The following INPP4B variants were observed in gnomAD, a reference collection of about 807,000 sequenced individuals.
INPP4B encodes the protein inositol polyphosphate-4-phosphatase type II B, also known as inositol polyphosphate 4-phosphatase type II.
Under a neutral mutation model 122.5 loss-of-function variants are expected in INPP4B, and 55 were observed. The ratio of observed to expected loss-of-function variants is 0.45; its 90% CI spans 0.36 to 0.56. The LOEUF (loss-of-function observed/expected upper bound fraction) is 0.56. Among genes scored for constraint, INPP4B ranks in the 20% least tolerant of loss-of-function variants. INPP4B has a pLI of 0.00. For missense variants in INPP4B, 1,000 were observed against 1,097.7 expected, an observed-to-expected ratio of 0.91 and a Z score of 1.26; for synonymous variants, 403 against 388.7, an observed-to-expected ratio of 1.04 and a Z score of -0.43.
intron 1 of INPP4B, among the ~76,000 whole-genome samples, chr4:142,829,665 G>A (rs1449600634): frequency 6.6e-6 from 1 of 152,150 alleles, no homozygotes; most frequent in African/African-American, 2.4e-5. Context: ...AAACTGTGGA[G>A]CAATATCCTC....
chr4:142,301,091 A>G (rs973517064), intron 9 of INPP4B, among the ~76,000 whole-genome samples: 1 of 152,190 alleles, frequency 6.6e-6, no homozygotes, highest in Non-Finnish European at 1.5e-5. Context: ...CTTTTAAAAC[A>G]GATTACAACT....
chr4:142,250,062 G>A (rs770693800), intron 11 of INPP4B, among the ~76,000 whole-genome samples: 1 of 152,200 alleles, frequency 6.6e-6, no homozygotes. Context: ...AGCTTCACAT[G>A]TTTATTACAT....
At chr4:142,177,171 G>A (rs1471214659) in intron 15 of INPP4B, among the ~76,000 whole-genome samples, 4 of 152,032 alleles carry the variant, frequency 2.6e-5, no homozygotes, top group Non-Finnish European at 5.9e-5. Flanking sequence ...TTAACGATGA[G>A]CACCTCACCT....
At chr4:142,456,675 T>A (rs1457824111) in intron 3 of INPP4B, among the ~76,000 whole-genome samples, 1 of 152,088 alleles carries the variant, frequency 6.6e-6, no homozygotes, top group Non-Finnish European at 1.5e-5. Context: ...TCTATAAACA[T>A]TGATGAAAGA....
intron 2 of INPP4B, among the ~76,000 whole-genome samples, chr4:142,623,562 T>G (rs1745475854): frequency 6.6e-6 from 1 of 151,970 alleles, no homozygotes; most frequent in South Asian, 2.1e-4. Context: ...AATTCACTCC[T>G]TTTTTAAATT....
intron 2 of INPP4B, among the ~76,000 whole-genome samples, chr4:142,488,838 A>AT (rs933132157): frequency 1.0e-4 from 15 of 149,516 alleles, no homozygotes; most frequent in African/African-American, 3.4e-4. Flanking sequence ...CCAGTCTTTT[A>AT]TTTTTTTTCA....
chr4:142,127,376 G>T (rs3775643), intron 18 of INPP4B, among the ~76,000 whole-genome samples: 19,092 of 152,022 alleles, frequency 0.13, 1,369 homozygotes, highest in East Asian at 0.23. Context: ...TTTGCAGATT[G>T]TCTCATTAGC....
At chr4:142,637,797 T>C (rs1459123169) in intron 2 of INPP4B, among the ~76,000 whole-genome samples, 5 of 152,202 alleles carry the variant, frequency 3.3e-5, no homozygotes, top group African/African-American at 4.8e-5. Flanking sequence ...AGTGGCTGCA[T>C]AACTTTGCAT....
chr4:142,192,159 C>G (rs1401270365), intron 15 of INPP4B, among the ~76,000 whole-genome samples: 1 of 151,418 alleles, frequency 6.6e-6, no homozygotes, highest in Non-Finnish European at 1.5e-5. Context: ...CCAGGACCTA[C>G]TTAAGGGTGG....
intron 24 of INPP4B, 37 bp from the exon 25 acceptor site, chr4:142,082,222 T>G: frequency 6.8e-7 from 1 of 1,470,132 alleles, no homozygotes; most frequent in Non-Finnish European, 9.2e-7. Context: ...TCTTGTTCAT[T>G]TGTAATACCG....
intron 2 of INPP4B, among the ~76,000 whole-genome samples, chr4:142,544,311 A>T (rs561918629): frequency 6.6e-6 from 1 of 152,130 alleles, no homozygotes; most frequent in African/African-American, 2.4e-5. Flanking sequence ...TGAGTGTTTG[A>T]TTGTGGATAA....
At chr4:142,058,569 A>G (rs1327071891) in intron 25 of INPP4B, among the ~76,000 whole-genome samples, 2 of 152,160 alleles carry the variant, frequency 1.3e-5, no homozygotes, top group Non-Finnish European at 2.9e-5. Flanking sequence ...AAGGCACTGC[A>G]GAATTCATAT....
At chr4:142,504,327 C>T (rs1021486831) in intron 2 of INPP4B, among the ~76,000 whole-genome samples, 2 of 151,738 alleles carry the variant, frequency 1.3e-5, no homozygotes, top group Non-Finnish European at 2.9e-5. Flanking sequence ...TAACAGACTT[C>T]CAAAAATTAA....
At chr4:142,557,659 C>T (rs934894169) in intron 2 of INPP4B, among the ~76,000 whole-genome samples, 4 of 151,890 alleles carry the variant, frequency 2.6e-5, no homozygotes, top group African/African-American at 7.3e-5. Context: ...CCCAACATGT[C>T]GGAAGTTGTT....
intron 3 of INPP4B, among the ~76,000 whole-genome samples, chr4:142,441,863 C>A (rs1811800766): frequency 1.4e-5 from 2 of 143,852 alleles, no homozygotes; most frequent in Admixed American, 7.1e-5. Flanking sequence ...CATTTAAATG[C>A]TGAAGTAACA....
intron 7 of INPP4B, among the ~76,000 whole-genome samples, chr4:142,400,146 G>A (rs1260204722): frequency 1.3e-5 from 2 of 152,176 alleles, no homozygotes; most frequent in Middle Eastern, 3.2e-3. Context: ...AAATATGTAT[G>A]CAAATGATAT....
chr4:142,084,645 T>C (rs1775846483), intron 24 of INPP4B, among the ~76,000 whole-genome samples: 1 of 152,204 alleles, frequency 6.6e-6, no homozygotes, highest in Non-Finnish European at 1.5e-5. Context: ...CTACTAATCA[T>C]TCATTCAGTG....
chr4:142,672,359 A>G (rs570708357), intron 2 of INPP4B, among the ~76,000 whole-genome samples: 1 of 152,240 alleles, frequency 6.6e-6, no homozygotes, highest in Admixed American at 6.5e-5. Flanking sequence ...CACATTAGCA[A>G]TGTTTGAGAC....
At chr4:142,716,899 C>A (rs1427140761) in intron 2 of INPP4B, among the ~76,000 whole-genome samples, 1 of 152,150 alleles carries the variant, frequency 6.6e-6, no homozygotes, top group African/African-American at 2.4e-5. Context: ...CTTCTTAGAA[C>A]CCTGCTACCA....
Sources: allele counts gnomAD v4.1 joint callset (sites outside exome capture counted in the v4.1 genomes callset), GRCh38; gene constraint gnomAD v4.1.1; transcripts MANE v1.5; gene names NCBI Gene and HGNC (gene_info 2026-07-23, HGNC 2026-07-21).